TRIM48: variants seen among roughly 807,000 people sequenced by gnomAD.
The protein encoded by TRIM48 is E3 ubiquitin-protein ligase TRIM48.
TRIM48 carries 31 observed loss-of-function variants against 29.5 expected under a neutral mutation model. The ratio of observed to expected loss-of-function variants is 1.05; its 90% confidence interval spans 0.79 to 1.42. The LOEUF is 1.42. Ranked by LOEUF, TRIM48 falls within the 40% of genes most tolerant of loss-of-function variation. TRIM48 has a pLI of 0.00. For missense variants in TRIM48, 344 were observed against 265.0 expected, an observed-to-expected ratio of 1.30 and a Z score of -2.07; for synonymous variants, 128 against 90.6, an observed-to-expected ratio of 1.41 and a Z score of -2.34.
chr11:55,270,621 G>C lies in TRIM48; in HGVS notation c.*186G>C, dbSNP rs540067872. The C allele has an allele frequency of 2.3e-5, 37 of 1,582,582 alleles. 1 individual carries two copies. In the African/African-American group the frequency reaches 2.7e-4, roughly 12 times the overall value. On this transcript the variant is annotated 3_prime_UTR_variant, in exon 6 of 6. Transcript: ENST00000417545. ...AATATTACTGGGAGGTCCATGTGGG[G>C]GACTCTTGGAATTGGGCTTTTGGTG...
chr11:55,270,414 T>G (rs968349673), intron 5 of TRIM48, 23 bp from the exon 6 acceptor site: 2 of 1,316,618 alleles, frequency 1.5e-6, no homozygotes, highest in African/African-American at 3.0e-5. Flanking sequence ...TTCTTTCTAT[T>G]TATTTATTTA....
At chr11:55,269,742 G>C (rs1462635306) in intron 5 of TRIM48, among the ~76,000 whole-genome samples, 3 of 147,534 alleles carry the variant, frequency 2.0e-5, no homozygotes, top group Non-Finnish European at 4.5e-5. Context: ...GGAGATTCTT[G>C]GGGTTTTTTA....
Position 55,270,790 on chromosome 11 carries a change from C to T in TRIM48, c.*355C>T, listed in dbSNP as rs1415858788. 6.3e-7 allele frequency: 1 copy of T among 1,575,410 alleles called. No individual in the cohort carries two copies. Among genetic ancestry groups the T allele is most frequent in the Non-Finnish European group, 8.6e-7 (1 of 1,158,654 alleles). On this transcript the variant is annotated 3_prime_UTR_variant, in exon 6 of 6. Coordinates refer to ENST00000417545, the MANE Select transcript of TRIM48 (RefSeq NM_024114.5). ...AATTACACTGCAGTATGTCCCAAGACCTACCAACCATGTAGAATTATTCCT... is the reference window on the plus strand; with the variant it reads ...AATTACACTGCAGTATGTCCCAAGATCTACCAACCATGTAGAATTATTCCT...
chr11:55,263,453 G>T (rs1857335186), intron 1 of TRIM48, among the ~76,000 whole-genome samples: 8 of 151,706 alleles, frequency 5.3e-5, no homozygotes, highest in Admixed American at 4.6e-4. Flanking sequence ...GGGAGTTCAA[G>T]TCCAGCCTGG....
At chr11:55,264,045 A>G (rs1857348269) in intron 1 of TRIM48, among the ~76,000 whole-genome samples, 1 of 152,120 alleles carries the variant, frequency 6.6e-6, no homozygotes, top group African/African-American at 2.4e-5. Context: ...CCCAGAAACA[A>G]TGCTGCACCA....
At position 55,262,319 on chromosome 11, in the gene TRIM48, A is replaced by C; in HGVS notation, c.44+8A>C. 2 of 1,537,944 alleles carry C rather than the reference A, an allele frequency of 1.3e-6. No individual in the cohort carries two copies. Among genetic ancestry groups the C allele is most frequent in the Non-Finnish European group, 1.8e-6 (2 of 1,136,474 alleles). On this transcript the variant is annotated splice_region_variant and intron_variant, in intron 1 of 5. Coordinates refer to ENST00000417545, the MANE Select transcript of TRIM48 (RefSeq NM_024114.5). ...CCTTCAAAGAACCCAGCGGTGAGTG[A>C]AACTTATATTGATAAAATTATATCT...
intron 3 of TRIM48, chr11:55,267,379 T>C (rs1430317943): frequency 6.4e-7 from 1 of 1,559,974 alleles, no homozygotes; most frequent in Non-Finnish European, 8.7e-7. Context: ...TATACATTTC[T>C]CTTTTGACTA....
intron 3 of TRIM48, 76 bp from the exon 4 acceptor site, chr11:55,268,274 C>A: frequency 1.5e-6 from 2 of 1,295,500 alleles, no homozygotes; most frequent in Non-Finnish European, 1.1e-6. Context: ...GGAACTGACT[C>A]CAAATTTCAC....
chr11:55,270,524 A>T lies in TRIM48; in HGVS notation c.*89A>T. On this transcript the variant is annotated 3_prime_UTR_variant, in exon 6 of 6. Coordinates refer to ENST00000417545, the MANE Select transcript of TRIM48 (RefSeq NM_024114.5). ...AGCATTTGTATTGGATGTGACCGTC[A>T]AAATCCGCCCCATATCACTGCAACA... 1 of 1,581,540 alleles carries T rather than the reference A, an allele frequency of 6.3e-7. No individual in the cohort carries two copies. The highest frequency in any genetic ancestry group is 2.4e-5 in the East Asian group (1 of 41,330).
At chr11:55,269,361 G>A (rs1412848831) in intron 5 of TRIM48, 22 bp downstream of exon 5, 2 of 1,568,292 alleles carry the variant, frequency 1.3e-6, no homozygotes, top group East Asian at 2.4e-5. Context: ...CCCACAGGCA[G>A]CACCCCCACT....
rs979018225 is a variant in TRIM48, at chr11:55,268,051, G to A, written c.556-299G>A. ...TGGGATCCACTCATTTGGATAATAG[G>A]TTCTGGGAAAGATGACCGAGTAGGT... is the stretch of plus-strand genomic sequence containing the variant. On this transcript the variant is annotated intron_variant, in intron 3 of 5. Coordinates refer to ENST00000417545, the MANE Select transcript of TRIM48 (RefSeq NM_024114.5). Among the ~76,000 whole-genome samples the A allele has an allele frequency of 1.4e-5, 2 of 147,736 alleles. 1 individual carries two copies. Among genetic ancestry groups the A allele is most frequent in the South Asian group, 4.9e-4 (2 of 4,108 alleles).
Position 55,265,269 on chromosome 11 carries a change from G to C in TRIM48, c.414G>C (p.Arg138=). ...TGTGCTCCAGCTCTCAGGAGCACCG[G>C]TATCACAGACACTGTCCCGCTGAGT... ...CLLCSSSQEH[R]YHRHCPAEWA... is the part of the protein sequence containing the mutation. The change falls in exon 2 of 6, where the codon CGG becomes CGC. Residue 138 remains arginine, a synonymous_variant. Transcript: ENST00000417545. 2.5e-6 allele frequency: 4 copies of C among 1,582,372 alleles called. No individual in the cohort carries two copies. The highest frequency in any genetic ancestry group is 1.7e-6 in the Non-Finnish European group (2 of 1,166,104).
rs766691620 is a variant in TRIM48, at chr11:55,262,228, G to A, written c.-40G>A. On this transcript the variant is annotated 5_prime_UTR_variant, in exon 1 of 6. Coordinates refer to ENST00000417545, the MANE Select transcript of TRIM48 (RefSeq NM_024114.5). ...GTGACCTCTGAAACTCAGTACTGCAGCGAATGAGCTCCTGACCTTGAGGAG... is the reference window on the plus strand; with the variant it reads ...GTGACCTCTGAAACTCAGTACTGCAACGAATGAGCTCCTGACCTTGAGGAG... The A allele has an allele frequency of 1.6e-5, 24 of 1,530,472 alleles. No individual in the cohort carries two copies. The highest frequency in any genetic ancestry group is 2.1e-5 in the Non-Finnish European group (24 of 1,129,612). The allele number at this position is 1,530,472 out of a possible 1,614,324, so 94.8% of individuals were successfully genotyped here. A position where few individuals can be genotyped will look rare whatever the true frequency, so the allele number is the denominator to read the frequency against.
chr11:55,265,670 A>G lies in TRIM48; in HGVS notation c.530A>G (p.Glu177Gly), dbSNP rs1285844344. 2.5e-6 allele frequency: 4 copies of G among 1,581,520 alleles called. No homozygotes were observed. Among genetic ancestry groups the G allele is most frequent in the Admixed American group, 3.4e-5 (2 of 58,238 alleles). ...GAAAATCAGAGAAACCTGAATGTGG[A>G]AACCACCAGAATCAGCCACTGGAAG... ...ACENQRNLNV[E>G]TTRISHWKAF... The change falls in exon 3 of 6, where the codon GAA (glutamate) becomes GGA (glycine). Residue 177 changes from glutamate to glycine, a missense_variant. Physicochemically the swap from Glu to Gly is moderately conservative, Grantham distance 98. Transcript: ENST00000417545.
At chr11:55,264,077 C>A (rs1191429825) in intron 1 of TRIM48, among the ~76,000 whole-genome samples, 1 of 152,052 alleles carries the variant, frequency 6.6e-6, no homozygotes, top group Non-Finnish European at 1.5e-5. Context: ...GTTGGTTAAT[C>A]CAGTCAGACT....
At position 55,267,298 on chromosome 11, in the gene TRIM48, A is replaced by G. The variant is rs568241763; in HGVS notation, c.556-1052A>G. The G allele has an allele frequency of 3.1e-6, 4 of 1,279,766 alleles. 2 individuals carry two copies. The South Asian group carries it at 6.3e-5, about 20-fold the overall frequency. The allele number at this position is 1,279,766 out of a possible 1,614,324, so 79.3% of individuals were successfully genotyped here. A position where few individuals can be genotyped will look rare whatever the true frequency, so the allele number is the denominator to read the frequency against. ...AAATTTGTGGATTCTAAGAACTGGCAAGACTGAGGTTTAAACTATTGGATG... is the reference window on the plus strand; with the variant it reads ...AAATTTGTGGATTCTAAGAACTGGCGAGACTGAGGTTTAAACTATTGGATG... On this transcript the variant is annotated intron_variant, in intron 3 of 5. Transcript: ENST00000417545.
chr11:55,270,613 C>T lies in TRIM48; in HGVS notation c.*178C>T, dbSNP rs1565080076. ...CTCTGGCAAATATTACTGGGAGGTCCATGTGGGGGACTCTTGGAATTGGGC... is the reference window on the plus strand; with the variant it reads ...CTCTGGCAAATATTACTGGGAGGTCTATGTGGGGGACTCTTGGAATTGGGC... On this transcript the variant is annotated 3_prime_UTR_variant, in exon 6 of 6. Coordinates refer to ENST00000417545, the MANE Select transcript of TRIM48 (RefSeq NM_024114.5). 1.5e-5 allele frequency: 23 copies of T among 1,582,818 alleles called. 4 individuals carry two copies. The South Asian group carries it at 2.0e-4, about 14-fold the overall frequency.
rs1466400654 is a variant in TRIM48 at position 55,265,219 on chromosome 11, G to A, written c.364G>A (p.Val122Met). ...GGAGACAAAGAAGATGTTCTGTGAAGTGGACAGGAGCCTGCTCTGTTTGCT... is the reference window on the plus strand; with the variant it reads ...GGAGACAAAGAAGATGTTCTGTGAAATGGACAGGAGCCTGCTCTGTTTGCT... ...HRETKKMFCE[V>M]DRSLLCLLCS... The change falls in exon 2 of 6, where the codon GTG becomes ATG. Residue 122 changes from valine (V) to methionine (M), a missense_variant. Transcript: ENST00000417545. 1 of 1,582,836 alleles carries A rather than the reference G, an allele frequency of 6.3e-7. No individual in the cohort carries two copies.
At chr11:55,264,459 C>A (rs1258705101) in intron 1 of TRIM48, among the ~76,000 whole-genome samples, 2 of 148,242 alleles carry the variant, frequency 1.3e-5, no homozygotes, top group African/African-American at 2.5e-5. Context: ...TTGTGTCTCT[C>A]TCTCAAAATA....
Sources: allele counts gnomAD v4.1 joint callset (sites outside exome capture counted in the v4.1 genomes callset), GRCh38; gene constraint gnomAD v4.1.1; transcripts MANE v1.5; gene names NCBI Gene and HGNC (gene_info 2026-07-23, HGNC 2026-07-21).